URI1: variants seen among roughly 807,000 people sequenced by gnomAD.
The protein encoded by URI1 is URI1 prefoldin like chaperone.
In URI1, 39 loss-of-function variants were observed where a neutral mutation model predicts 60.2. That is an observed-to-expected ratio of 0.65 (90% CI 0.50 to 0.85). URI1 has a LOEUF of 0.85. Among genes scored for constraint, URI1 ranks in the 40% least tolerant of loss-of-function variants. The probability of loss-of-function intolerance (pLI) is 0.00; values close to 1 mark genes in which losing one functional copy is unlikely to be tolerated. For missense variants in URI1, 691 were observed against 665.9 expected (o/e 1.04, Z -0.42); for synonymous variants, 251 against 236.8 (o/e 1.06, Z -0.55).
chr19:29,948,887 G>A (rs1462103050), intron 1 of URI1, among the ~76,000 whole-genome samples: 1 of 152,186 alleles, frequency 6.6e-6, no homozygotes, highest in African/African-American at 2.4e-5. Context: ...GCCAGGCAGA[G>A]GGAGTCCTCA....
intron 2 of URI1, among the ~76,000 whole-genome samples, chr19:29,979,665 C>T (rs182164): frequency 0.96 from 145,738 of 152,268 alleles, 69,760 homozygotes; most frequent in East Asian, 1. Context: ...TTTTTATATG[C>T]GGGTTAATCT....
upstream of URI1, among the ~76,000 whole-genome samples, chr19:29,937,313 A>G (rs2054982166): frequency 6.6e-6 from 1 of 152,158 alleles, no homozygotes; most frequent in South Asian, 2.1e-4. Flanking sequence ...TGGGTGTAAG[A>G]CAGTTGATTT....
chr19:30,011,318 CTG>C (rs2056016332), intron 9 of URI1, 82 bp downstream of exon 9: 2 of 1,491,150 alleles, frequency 1.3e-6, no homozygotes, highest in African/African-American at 2.9e-5. Context: ...AGAAAGTTGA[CTG>C]TAACACAGAA....
Sources: gnomAD v4.1 joint callset for allele counts (sites outside exome capture counted in the v4.1 genomes callset) on GRCh38, gnomAD v4.1.1 for gene constraint, MANE v1.5 for transcripts, NCBI Gene and HGNC (gene_info 2026-07-23, HGNC 2026-07-21) for gene names.